Variants in RND1 observed in about 807,000 individuals in gnomAD.
RND1 encodes rho-related GTP-binding protein Rho6.
Under a neutral mutation model 27.1 loss-of-function variants are expected in RND1, and 9 were observed. The observed-to-expected ratio is 0.33, with a 90% CI of 0.20 to 0.58. The LOEUF is 0.58. Ranked by LOEUF, RND1 falls within the 20% of genes least tolerant of loss-of-function variation. The probability of loss-of-function intolerance (pLI) is 0.86; values close to 1 mark genes in which losing one functional copy is unlikely to be tolerated. For synonymous variants in RND1, 108 were observed against 115.7 expected (o/e 0.93, Z 0.43); for missense variants, 253 against 292.2 (o/e 0.87, Z 0.98).
At chr12:48,862,166 C>T (rs1476233398) in intron 2 of RND1, 48 bp from the exon 3 acceptor site, 1 of 1,113,760 alleles carries the variant, frequency 9.0e-7, no homozygotes, top group Non-Finnish European at 1.4e-6. Flanking sequence ...TGTTTTCCTT[C>T]CCCAATAGGC....
chr12:48,860,950 A>G lies in RND1; in HGVS notation c.453+47T>C, dbSNP rs368133832. ...GCCATATTTCAAGCTGTCTGCCTCTAGCCTTCCTCACTCCACCCCACGACA... is the reference window on the plus strand; with the variant it reads ...GCCATATTTCAAGCTGTCTGCCTCTGGCCTTCCTCACTCCACCCCACGACA... On this transcript the variant is annotated intron_variant, in intron 4 of 4. Transcript: ENST00000309739. The G allele has an allele frequency of 5.6e-6, 9 of 1,611,232 alleles. No individual in the cohort carries two copies. In the African/African-American group the frequency reaches 1.1e-4, roughly 19 times the overall value.
chr12:48,864,882 G>A lies in RND1; in HGVS notation c.121-12C>T. 6.2e-7 allele frequency: 1 copy of A among 1,603,496 alleles called. No individual in the cohort carries two copies. Among genetic ancestry groups the A allele is most frequent in the Non-Finnish European group, 8.5e-7 (1 of 1,170,472 alleles). ...GTGGGCACATAGGTCTGTGAAAAGA[G>A]AGGAAACATTCACCCCATGCACCCC... On this transcript the variant is annotated splice_polypyrimidine_tract_variant and intron_variant, in intron 1 of 4. Transcript: ENST00000309739.
intron 2 of RND1, among the ~76,000 whole-genome samples, chr12:48,864,410 T>TGC (rs1480813285): frequency 5.3e-4 from 63 of 117,872 alleles, no homozygotes; most frequent in African/African-American, 2.0e-3. Flanking sequence ...TGTGTGTGTG[T>TGC]GTGTGTGCGC....
rs1324370794 is a variant in RND1 at position 48,864,798 on chromosome 12, G to A, written c.193C>T (p.Leu65Phe). The A allele has an allele frequency of 3.1e-6, 5 of 1,613,532 alleles. No homozygotes were observed. Among genetic ancestry groups the A allele is most frequent in the Non-Finnish European group, 4.2e-6 (5 of 1,179,436 alleles). ...GAATTCTTACCTGAGGTATCCCAGA[G>A]ACTAAGCTCCACCCTCTGTTCCTCT... ...ETEEQRVELS[L>F]WDTSGSPYYD... is the part of the protein sequence containing the mutation. Residue 65 changes from leucine (L) to phenylalanine (F), a missense_variant, in exon 2 of 5, where the codon CTC becomes TTC. Transcript: ENST00000309739.
chr12:48,862,075 G>T lies in RND1; in HGVS notation c.252C>A (p.Asp84Glu). 6.2e-7 allele frequency: 1 copy of T among 1,613,732 alleles called. No homozygotes were observed. The change falls in exon 3 of 5, where the codon GAC becomes GAA. Residue 84 changes from aspartate to glutamate, a missense_variant. Asp to Glu is a conservative substitution (Grantham distance 45). Coordinates refer to ENST00000309739, the MANE Select transcript of RND1 (RefSeq NM_014470.4). ...CAAAACATAGTAATACTGCATCCGA[G>T]TCGCTGTAGCAGAGTGGACGGACAT... ...YDNVRPLCYSDSDAVLLCFDI... is the reference protein window; with the variant it reads ...YDNVRPLCYSESDAVLLCFDI...
chr12:48,864,823 T>C lies in RND1; in HGVS notation c.168A>G (p.Thr56=). Residue 56 remains threonine, a synonymous_variant, in exon 2 of 5, where the codon ACA becomes ACG. Coordinates refer to ENST00000309739, the MANE Select transcript of RND1 (RefSeq NM_014470.4). The part of the protein sequence containing the change: ...VFENYTACLE[T]EEQRVELSLW... ...GACTAAGCTCCACCCTCTGTTCCTC[T>C]GTCTCCAAACAGGCTGTGTAATTTT... The C allele has an allele frequency of 6.2e-7, 1 of 1,614,136 alleles. No homozygotes were observed.
At chr12:48,864,701 G>A in intron 2 of RND1, 82 bp downstream of exon 2, 1 of 1,076,090 alleles carries the variant, frequency 9.3e-7, no homozygotes, top group East Asian at 2.4e-5. Context: ...CCCCACCAAA[G>A]GGGAAAACAA....
intron 3 of RND1, 46 bp from the exon 4 acceptor site, chr12:48,861,177 G>T: frequency 1.3e-6 from 2 of 1,559,640 alleles, no homozygotes; most frequent in South Asian, 2.4e-5. Context: ...AGGAAGGAAG[G>T]AGAGTTAGTG....
At chr12:48,861,881 T>C in intron 3 of RND1, 128 bp downstream of exon 3, 1 of 695,796 alleles carries the variant, frequency 1.4e-6, no homozygotes, top group Non-Finnish European at 2.6e-6. Flanking sequence ...TGGTGTGGCC[T>C]TGGGCAAATC....
chr12:48,861,073 T>C lies in RND1; in HGVS notation c.377A>G (p.Lys126Arg), dbSNP rs759541705. The C allele has an allele frequency of 3.1e-6, 5 of 1,614,030 alleles. No individual in the cohort carries two copies. The African/African-American group carries it at 6.7e-5, about 22-fold the overall frequency. The change falls in exon 4 of 5, where the codon AAG becomes AGG. Residue 126 changes from lysine to arginine, a missense_variant. Physicochemically the swap from Lys to Arg is conservative, Grantham distance 26 (BLOSUM62 2). Transcript: ENST00000309739. Reference protein sequence around the residue: ...PSTRVLLIGCKTDLRTDLSTL... With the variant: ...PSTRVLLIGCRTDLRTDLSTL... Reference sequence around the variant, plus strand: ...ACTCAGGTCTGTTCGCAGGTCTGTCTTGCAGCCAATGAGCAAAACGCGGGT... The same window carrying C: ...ACTCAGGTCTGTTCGCAGGTCTGTCCTGCAGCCAATGAGCAAAACGCGGGT...
chr12:48,858,384 C>CTT, intron 4 of RND1, 143 bp from the exon 5 acceptor site: 12 of 646,388 alleles, frequency 1.9e-5, no homozygotes, highest in South Asian at 1.5e-4. Context: ...ATTCGATTAT[C>CTT]TTTTCTTTTT....
At chr12:48,865,460 A>G in intron 1 of RND1, 188 bp downstream of exon 1, 1 of 647,712 alleles carries the variant, frequency 1.5e-6, no homozygotes, top group South Asian at 1.8e-5. Context: ...CAGAAGTGGA[A>G]CAGGTCTCAG....
At chr12:48,858,566 C>T (rs938337743) in intron 4 of RND1, 6 of 241,386 alleles carry the variant, frequency 2.5e-5, no homozygotes, top group Non-Finnish European at 4.8e-5. Context: ...ATCCCAGCTA[C>T]TCAGGAGGCT....
In RND1 at chr12:48,857,744, G is replaced by C. The variant is rs956852215; in HGVS notation, c.*252C>G. 10 of 360,014 alleles carry C rather than the reference G, an allele frequency of 2.8e-5. No individual in the cohort carries two copies. Among genetic ancestry groups the C allele is most frequent in the East Asian group, 2.6e-4 (5 of 19,522 alleles). The allele number at this position is 360,014 out of a possible 1,614,324, so 22.3% of individuals were successfully genotyped here. ...ACAGCTTTCCTTCCTCTGGAGCGGG[G>C]GGGGCACTGGGGTAGTCGCCCCCTC... is the stretch of plus-strand genomic sequence containing the variant. On this transcript the variant is annotated 3_prime_UTR_variant, in exon 5 of 5. Transcript: ENST00000309739.
At chr12:48,864,055 C>A (rs1274129887) in intron 2 of RND1, among the ~76,000 whole-genome samples, 2 of 152,092 alleles carry the variant, frequency 1.3e-5, no homozygotes, top group Non-Finnish European at 2.9e-5. Flanking sequence ...GCATATTCTA[C>A]CTCACCCCAG....
intron 3 of RND1, among the ~76,000 whole-genome samples, chr12:48,861,507 G>C (rs901971723): frequency 6.6e-6 from 1 of 152,156 alleles, no homozygotes; most frequent in African/African-American, 2.4e-5. Flanking sequence ...CTTCTCAAGG[G>C]AAGAACATGA....
At chr12:48,858,993 C>A (rs1938881616) in intron 4 of RND1, 1 of 141,800 alleles carries the variant, frequency 7.1e-6, no homozygotes, top group African/African-American at 2.6e-5. Flanking sequence ...CAGTCTCGCT[C>A]TGTTGCCCAG....
At chr12:48,862,741 C>T (rs1938932812) in intron 2 of RND1, among the ~76,000 whole-genome samples, 1 of 152,180 alleles carries the variant, frequency 6.6e-6, no homozygotes, top group Non-Finnish European at 1.5e-5. Flanking sequence ...ACAGCAGCAC[C>T]GATGGCTGGG....
rs376455197 is a variant in RND1, at chr12:48,857,741, G to A, written c.*255C>T. 2.1e-4 allele frequency: 66 copies of A among 318,314 alleles called. No homozygotes were observed. The highest frequency in any genetic ancestry group is 2.9e-4 in the Non-Finnish European group (51 of 175,410). 19.7% of individuals were successfully genotyped at this position (318,314 alleles called of 1,614,324 possible). On this transcript the variant is annotated 3_prime_UTR_variant, in exon 5 of 5. Coordinates refer to ENST00000309739, the MANE Select transcript of RND1 (RefSeq NM_014470.4). ...CCCACAGCTTTCCTTCCTCTGGAGC[G>A]GGGGGGGCACTGGGGTAGTCGCCCC...
Sources: allele counts gnomAD v4.1 joint callset (sites outside exome capture counted in the v4.1 genomes callset), GRCh38; gene constraint gnomAD v4.1.1; transcripts MANE v1.5; gene names NCBI Gene and HGNC (gene_info 2026-07-23, HGNC 2026-07-21).